MYO15B: variants seen among roughly 807,000 people sequenced by gnomAD.
MYO15B encodes myosin XVB, also known as myosin XVB pseudogene.
Under a neutral mutation model 119.3 loss-of-function variants are expected in MYO15B, and 207 were observed. The ratio of observed to expected loss-of-function variants is 1.73; its 90% CI spans 1.55 to 1.95. The LOEUF (loss-of-function observed/expected upper bound fraction) is 1.95. Ranked by LOEUF, MYO15B falls within the 30% of genes most tolerant of loss-of-function variation. MYO15B has a pLI of 0.00. For missense variants in MYO15B, 2,264 were observed against 1,203.1 expected, an observed-to-expected ratio of 1.88 and a Z score of -13.04; for synonymous variants, 966 against 498.9, an observed-to-expected ratio of 1.94 and a Z score of -12.48.
At chr17:75,610,041 C>T in intron 21 of MYO15B, 125 bp from the exon 22 acceptor site, 1 of 523,448 alleles carries the variant, frequency 1.9e-6, no homozygotes, top group Non-Finnish European at 3.5e-6. Flanking sequence ...TTCTGTGAAG[C>T]ATCCAGGGCT....
chr17:75,599,726 T>C (rs1249644632), intron 14 of MYO15B, among the ~76,000 whole-genome samples: 1 of 151,096 alleles, frequency 6.6e-6, no homozygotes. Context: ...AAACCCTGTC[T>C]CTACTAAAAA....
chr17:75,590,442 T>G, intron 1 of MYO15B, 184 bp from the exon 2 acceptor site: 1 of 396,894 alleles, frequency 2.5e-6, no homozygotes, highest in African/African-American at 2.1e-5. Context: ...GTACAAAGCT[T>G]CCTTCTGGGT....
Position 75,617,937 on chromosome 17 carries a change from G to A in MYO15B, c.6927+15G>A, listed in dbSNP as rs746418956. On this transcript the variant is annotated intron_variant, in intron 42 of 63. Transcript: ENST00000645453. ...TACGCAAGGAGGTGGGCATGAGGGT[G>A]GGGCCTTGGCCTGGCCTCTTTGGGC... 4 of 702,262 alleles carry A rather than the reference G, an allele frequency of 5.7e-6. No individual in the cohort carries two copies. In the South Asian group the frequency reaches 5.9e-5, roughly 10 times the overall value. 43.5% of individuals were successfully genotyped at this position (702,262 alleles called of 1,614,324 possible). A position where few individuals can be genotyped will look rare whatever the true frequency, so the allele number is the denominator to read the frequency against.
chr17:75,588,973 A>G (rs1190020272), exon 1 of MYO15B: 1 of 397,984 alleles, frequency 2.5e-6, no homozygotes, highest in Non-Finnish European at 4.4e-6. Context: ...CCAGGTCGGA[A>G]AGGCGGTGGG....
chr17:75,605,589 G>T lies in MYO15B; in HGVS notation c.4102G>T (p.Glu1368Ter). The T allele has an allele frequency of 2.8e-6, 2 of 702,968 alleles. No individual in the cohort carries two copies. Among genetic ancestry groups the T allele is most frequent in the Non-Finnish European group, 5.2e-6 (2 of 385,012 alleles). The allele number at this position is 702,968 out of a possible 1,614,324, so 43.5% of individuals were successfully genotyped here. The change falls in exon 20 of 64, where the codon GAA becomes TAA. Residue 1368 changes from glutamate (E) to a stop codon, truncating the protein, a stop_gained. Coordinates refer to ENST00000645453, the Ensembl canonical transcript of MYO15B. LOFTEE classifies it high-confidence loss of function. ...CGTCCTGAGCCAGGTGCTGGGGGCC[G>T]AATCACCTCTCTATCACCTTGGAGC... is the stretch of plus-strand genomic sequence containing the variant.
exon 29 of MYO15B, chr17:75,613,777 G>A (rs1425757499): frequency 1.4e-6 from 1 of 701,554 alleles, no homozygotes; most frequent in South Asian, 1.5e-5. Flanking sequence ...CTGCAGAGCA[G>A]GTATGGGGAC....
intron 53 of MYO15B, 21 bp downstream of exon 53, chr17:75,622,101 C>T (rs202220482): frequency 8.5e-6 from 6 of 702,726 alleles, no homozygotes; most frequent in Non-Finnish European, 1.6e-5. Context: ...GCTGTGCGAC[C>T]CCCAGCGCCT....
In MYO15B at chr17:75,621,988, C is replaced by A; in HGVS notation, c.8006-16C>A. 1 of 702,916 alleles carries A rather than the reference C, an allele frequency of 1.4e-6. No homozygotes were observed. The highest frequency in any genetic ancestry group is 2.6e-6 in the Non-Finnish European group (1 of 384,966). 43.5% of individuals were successfully genotyped at this position (702,916 alleles called of 1,614,324 possible). ...ACAGCCCCAGCTATGTGCCCTGTTT[C>A]TTATCGTGCCTGCAGCCCTGATGCG... is the stretch of plus-strand genomic sequence containing the variant. On this transcript the variant is annotated splice_polypyrimidine_tract_variant and intron_variant, in intron 52 of 63. Transcript: ENST00000645453.
At chr17:75,619,833 G>A in intron 46 of MYO15B, 34 bp downstream of exon 46, 1 of 702,342 alleles carries the variant, frequency 1.4e-6, no homozygotes, top group East Asian at 2.7e-5. Context: ...CTAGAGGTGG[G>A]GGCAGGTGGC....
At position 75,624,456 on chromosome 17, in the gene MYO15B, G is replaced by A; in HGVS notation, c.8445+9G>A. ...ATATCCAGACTTTCACAGTGAGCTT[G>A]GGGGCCACCAAGGGAGGAGGCCTTG... is the stretch of plus-strand genomic sequence containing the variant. On this transcript the variant is annotated intron_variant, in intron 57 of 63. Transcript: ENST00000645453. The A allele has an allele frequency of 1.4e-6, 1 of 702,888 alleles. No individual in the cohort carries two copies. Among genetic ancestry groups the A allele is most frequent in the Non-Finnish European group, 2.6e-6 (1 of 385,008 alleles). 43.5% of individuals were successfully genotyped at this position (702,888 alleles called of 1,614,324 possible).
At chr17:75,597,159 A>G (rs2056918405) in intron 14 of MYO15B, among the ~76,000 whole-genome samples, 1 of 152,210 alleles carries the variant, frequency 6.6e-6, no homozygotes, top group Admixed American at 6.5e-5. Context: ...CGTACCTGCC[A>G]CAGAAGGGGG....
intron 54 of MYO15B, 36 bp from the exon 55 acceptor site, chr17:75,623,913 C>T (rs2058857055): frequency 1.4e-6 from 1 of 702,724 alleles, no homozygotes; most frequent in Non-Finnish European, 2.6e-6. Flanking sequence ...GCACTGTGGC[C>T]TGGCCAGCCT....
intron 36 of MYO15B, 68 bp downstream of exon 36, chr17:75,615,952 C>A: frequency 1.6e-6 from 1 of 606,704 alleles, no homozygotes; most frequent in Non-Finnish European, 3.0e-6. Context: ...GGGACATGGG[C>A]AGGGTGAGTA....
chr17:75,625,519 C>T lies in MYO15B; in HGVS notation c.8805-8C>T. 1 of 703,086 alleles carries T rather than the reference C, an allele frequency of 1.4e-6. No homozygotes were observed. Among genetic ancestry groups the T allele is most frequent in the African/African-American group, 1.7e-5 (1 of 57,404 alleles). The allele number at this position is 703,086 out of a possible 1,614,324, so 43.6% of individuals were successfully genotyped here. ...AGGGGCCAAACTGACCCTGGTCACACATCCTAGGCAGGACCTGCTAGCTTA... is the reference window on the plus strand; with the variant it reads ...AGGGGCCAAACTGACCCTGGTCACATATCCTAGGCAGGACCTGCTAGCTTA... On this transcript the variant is annotated splice_polypyrimidine_tract_variant and splice_region_variant and intron_variant, in intron 60 of 63. Coordinates refer to ENST00000645453, the Ensembl canonical transcript of MYO15B.
chr17:75,615,334 G>A (rs748367668), exon 34 of MYO15B: 70 of 702,048 alleles, frequency 1.0e-4, no homozygotes, highest in Non-Finnish European at 1.7e-4. Context: ...TCCCTGCCAT[G>A]CCAGGTAAGT....
chr17:75,624,989 C>A, intron 59 of MYO15B, 73 bp downstream of exon 59: 1 of 683,350 alleles, frequency 1.5e-6, no homozygotes, highest in Non-Finnish European at 2.7e-6. Context: ...CCTCCAAGCC[C>A]CTCTCCCCAC....
At chr17:75,615,146 C>T in intron 33 of MYO15B, 94 bp from the exon 34 acceptor site, 1 of 676,914 alleles carries the variant, frequency 1.5e-6, no homozygotes, top group East Asian at 2.7e-5. Context: ...CTGGCCAGCA[C>T]CCCGGTGCCC....
Position 75,589,282 on chromosome 17 carries a change from CG to C in MYO15B, c.1227del (p.Lys410AsnfsTer88), listed in dbSNP as rs1346335077. On this transcript the variant is annotated frameshift_variant, in exon 1 of 64. Transcript: ENST00000645453. LOFTEE classifies it high-confidence loss of function. This position sits in a 1 kb window ranked among gnomAD's most constrained non-coding sequence, Gnocchi z 4.2. Reference sequence around the variant, plus strand: ...ACGGGCGAGCGAGGGGTGGGGCCGCCGGAAACCGGACGAGGGGCGGGGTCAT... The same window carrying C: ...ACGGGCGAGCGAGGGGTGGGGCCGCCGAAACCGGACGAGGGGCGGGGTCAT... The C allele has an allele frequency of 7.6e-6, 3 of 393,902 alleles. No homozygotes were observed. Among genetic ancestry groups the C allele is most frequent in the Non-Finnish European group, 8.9e-6 (2 of 224,186 alleles). 24.4% of individuals were successfully genotyped at this position (393,902 alleles called of 1,614,324 possible).
Position 75,611,285 on chromosome 17 carries a change from G to C in MYO15B, c.4447-316G>C, listed in dbSNP as rs2058011462. Among the ~76,000 whole-genome samples the C allele has an allele frequency of 2.0e-5, 3 of 152,056 alleles. No homozygotes were observed. In the South Asian group the frequency reaches 6.2e-4, roughly 32 times the overall value. On this transcript the variant is annotated intron_variant, in intron 23 of 63. Transcript: ENST00000645453. ...GAGACCAGCCTGGGCAACATGACAA[G>C]ACCCCATCTCTACAAAAACAATAAA...
Sources: allele counts gnomAD v4.1 joint callset (sites outside exome capture counted in the v4.1 genomes callset), GRCh38; gene constraint gnomAD v4.1.1; non-coding constraint Gnocchi (gnomAD v3.1); transcripts MANE v1.5; gene names NCBI Gene and HGNC (gene_info 2026-07-23, HGNC 2026-07-21).